Variants in BCL9L observed in about 807,000 individuals in gnomAD.
BCL9L encodes BCL9 like.
A neutral mutation model predicts 99.4 loss-of-function variants in BCL9L; 19 were observed. The ratio of observed to expected loss-of-function variants is 0.19; its 90% CI spans 0.13 to 0.28. The LOEUF (loss-of-function observed/expected upper bound fraction) is 0.28. Ranked by LOEUF, BCL9L falls within the 10% of genes least tolerant of loss-of-function variation. The pLI is 1.00. For missense variants in BCL9L, 2,023 were observed against 2,101.6 expected (o/e 0.96, Z 0.73); for synonymous variants, 900 against 854.8 (o/e 1.05, Z -0.92).
chr11:118,897,670 G>T lies in BCL9L; in HGVS notation c.*745C>A, dbSNP rs1939969847. On this transcript the variant is annotated 3_prime_UTR_variant, in exon 10 of 10. Coordinates refer to ENST00000683865, the MANE Select transcript of BCL9L (RefSeq NM_001378213.1). ...GGGACCCAGAGACACTGCAAACAGT[G>T]GGTGGCCATGTAGGGCTGCATGTCC... The T allele has an allele frequency of 2.4e-6, 1 of 408,482 alleles. No homozygotes were observed. Among genetic ancestry groups the T allele is most frequent in the Admixed American group, 3.1e-5 (1 of 32,694 alleles). The allele number at this position is 408,482 out of a possible 1,614,324, so 25.3% of individuals were successfully genotyped here. A position where few individuals can be genotyped will look rare whatever the true frequency, so the allele number is the denominator to read the frequency against.
chr11:118,900,248 A>G lies in BCL9L; in HGVS notation c.3125-50T>C. On this transcript the variant is annotated intron_variant, in intron 8 of 9. Transcript: ENST00000683865. The surrounding 1 kb of genome is among the most constrained non-coding windows in gnomAD (Gnocchi z 5.3). ...AGCAGGGGTGACTGGGGAGGGGCAG[A>G]TGAGTTTGGCTGTGGATATGGGGAG... 1 of 1,515,082 alleles carries G rather than the reference A, an allele frequency of 6.6e-7. No individual in the cohort carries two copies. Among genetic ancestry groups the G allele is most frequent in the Admixed American group, 2.1e-5 (1 of 48,456 alleles). 93.9% of individuals were successfully genotyped at this position (1,515,082 alleles called of 1,614,324 possible).
At chr11:118,906,485 ACT>A (rs1367930994) in intron 5 of BCL9L, among the ~76,000 whole-genome samples, 3 of 151,492 alleles carry the variant, frequency 2.0e-5, no homozygotes, top group African/African-American at 7.3e-5. Flanking sequence ...ACATTTGCTG[ACT>A]CTCTCTCCTC....
In BCL9L at chr11:118,918,359, A is replaced by C. The variant is rs1941035313; in HGVS notation, c.-77+467T>G. On this transcript the variant is annotated intron_variant, in intron 2 of 9. Coordinates refer to ENST00000683865, the MANE Select transcript of BCL9L (RefSeq NM_001378213.1). ...GACCAGGGGCCAGGGCAGAAACCAC[A>C]CTACTGTGGCTGGTAGCCACCCTGG... Among the ~76,000 whole-genome samples the C allele has an allele frequency of 3.3e-5, 5 of 152,090 alleles. No homozygotes were observed. The South Asian group carries it at 1.0e-3, about 32-fold the overall frequency.
At chr11:118,924,490 G>C (rs1423127288) in intron 1 of BCL9L, among the ~76,000 whole-genome samples, 1 of 151,988 alleles carries the variant, frequency 6.6e-6, no homozygotes, top group Non-Finnish European at 1.5e-5. Context: ...GACTTCAAGG[G>C]ACACTATCCT....
In BCL9L at chr11:118,920,629, T is replaced by C. The variant is rs554967295; in HGVS notation, c.-130-1750A>G. Among the ~76,000 whole-genome samples the C allele has an allele frequency of 2.7e-4, 41 of 152,270 alleles. No individual in the cohort carries two copies. The South Asian group carries it at 8.1e-3, about 30-fold the overall frequency. On this transcript the variant is annotated intron_variant, in intron 1 of 9. Coordinates refer to ENST00000683865, the MANE Select transcript of BCL9L (RefSeq NM_001378213.1). ...GGCTTAGCTCCCTTTCCCCACCCCTTTTCCTTTAGAACACCGAGCCTCTCT... is the reference window on the plus strand; with the variant it reads ...GGCTTAGCTCCCTTTCCCCACCCCTCTTCCTTTAGAACACCGAGCCTCTCT...
In BCL9L at chr11:118,901,369, G is replaced by T; in HGVS notation, c.2374C>A (p.Gln792Lys). 1 of 1,613,886 alleles carries T rather than the reference G, an allele frequency of 6.2e-7. No homozygotes were observed. The highest frequency in any genetic ancestry group is 1.1e-5 in the South Asian group (1 of 91,092). The change falls in exon 8 of 10, where the codon CAG becomes AAG. Residue 792 changes from glutamine to lysine, a missense_variant. Transcript: ENST00000683865. The surrounding 1 kb of genome is among the most constrained non-coding windows in gnomAD (Gnocchi z 6.6). ...MNLNVQMTPQ[Q>K]QMLMSQKMRG... ...ATCTTCTGCGACATCAGCATCTGCT[G>T]CTGCGGGGTCATCTGCACGTTCAGG... is the stretch of plus-strand genomic sequence containing the variant.
In BCL9L at chr11:118,925,685, G is replaced by A; in HGVS notation, c.-578C>T. 1 of 151,454 alleles carries A rather than the reference G, an allele frequency of 6.6e-6. No homozygotes were observed. Among genetic ancestry groups the A allele is most frequent in the South Asian group, 2.1e-4 (1 of 4,826 alleles). 9.4% of individuals were successfully genotyped at this position (151,454 alleles called of 1,614,324 possible). On this transcript the variant is annotated 5_prime_UTR_variant, in exon 1 of 10. Coordinates refer to ENST00000683865, the MANE Select transcript of BCL9L (RefSeq NM_001378213.1). The surrounding 1 kb of genome is among the most constrained non-coding windows in gnomAD (Gnocchi z 6.4). ...GCGCTGGGTGGGGAGGGGCTGTCTG[G>A]GCGCTTATTGTTGGTCGGACTCCGA...
rs76137665 is a variant in BCL9L, at chr11:118,921,149, C to T, written c.-130-2270G>A. Among the ~76,000 whole-genome samples, 1,015 of 152,258 alleles carry T rather than the reference C, an allele frequency of 6.7e-3. 10 individuals carry two copies. The highest frequency in any genetic ancestry group is 0.023 in the African/African-American group (936 of 41,522). On this transcript the variant is annotated intron_variant, in intron 1 of 9. Coordinates refer to ENST00000683865, the MANE Select transcript of BCL9L (RefSeq NM_001378213.1). The surrounding 1 kb of genome is among the most constrained non-coding windows in gnomAD (Gnocchi z 5.4). ...GCCCCTTCAGACCCACAGAGGCTCC[C>T]GTATTCATAGAGACAGCCTAGGGGA...
In BCL9L at chr11:118,899,079, T is replaced by C; in HGVS notation, c.3836A>G (p.His1279Arg). The change falls in exon 10 of 10, where the codon CAC becomes CGC. Residue 1279 changes from histidine to arginine, a missense_variant. His to Arg is a conservative substitution (Grantham distance 29). Coordinates refer to ENST00000683865, the MANE Select transcript of BCL9L (RefSeq NM_001378213.1). ...CCCAGCCATGGCTTTGCCCATCAGG[T>C]GCTGCTGGGGAGGCATGGGGCCTGG... ...QPPGPMPPQQ[H>R]LMGKAMAGRM... The C allele has an allele frequency of 6.2e-7, 1 of 1,605,882 alleles. No individual in the cohort carries two copies. The highest frequency in any genetic ancestry group is 1.1e-5 in the South Asian group (1 of 90,360).
chr11:118,899,342 T>G lies in BCL9L; in HGVS notation c.3573A>C (p.Ala1191=). The G allele has an allele frequency of 6.5e-7, 1 of 1,547,872 alleles. No homozygotes were observed. Among genetic ancestry groups the G allele is most frequent in the South Asian group, 1.2e-5 (1 of 85,600 alleles). The change falls in exon 10 of 10, where the codon GCA becomes GCC. Residue 1191 remains alanine (A), a synonymous_variant. Transcript: ENST00000683865. Reference sequence around the variant, plus strand: ...TTTGAGGGGGCCCCCCTGTCCCCTGTGCGTTGGGATGCAGTGGAATGTTGG... The same window carrying G: ...TTTGAGGGGGCCCCCCTGTCCCCTGGGCGTTGGGATGCAGTGGAATGTTGG... ...LGSNIPLHPN[A]QGTGGPPQNS...
Position 118,902,375 on chromosome 11 carries a change from C to T in BCL9L, c.1368G>A (p.Thr456=), listed in dbSNP as rs201721644. Residue 456 remains threonine, a synonymous_variant, in exon 8 of 10, where the codon ACG becomes ACA. Transcript: ENST00000683865. This position sits in a 1 kb window ranked among gnomAD's most constrained non-coding sequence, Gnocchi z 7.8. ...QAPPPPQQPP[T]APPSGLKKYE... Reference sequence around the variant, plus strand: ...ATTTCTTCAGCCCGCTGGGAGGGGCCGTGGGTGGCTGCTGGGGGGGAGGGG... The same window carrying T: ...ATTTCTTCAGCCCGCTGGGAGGGGCTGTGGGTGGCTGCTGGGGGGGAGGGG... The T allele has an allele frequency of 2.0e-4, 198 of 1,001,436 alleles. No individual in the cohort carries two copies. Among genetic ancestry groups the T allele is most frequent in the Non-Finnish European group, 2.4e-4 (178 of 742,238 alleles). The allele number at this position is 1,001,436 out of a possible 1,614,324, so 62.0% of individuals were successfully genotyped here.
chr11:118,898,441 C>G lies in BCL9L; in HGVS notation c.4474G>C (p.Gly1492Arg). The G allele has an allele frequency of 6.2e-7, 1 of 1,605,896 alleles. No individual in the cohort carries two copies. The highest frequency in any genetic ancestry group is 8.5e-7 in the Non-Finnish European group (1 of 1,174,278). Residue 1492 changes from glycine to arginine, a missense_variant, in exon 10 of 10, where the codon GGC (glycine) becomes CGC (arginine). By Grantham distance (125) the Gly-to-Arg change is moderately radical. Transcript: ENST00000683865. ...TAGAAGGGCAGGTTGGCCATGCCGC[C>G]TGGTGCCGGGAGGTAGCCCATCTGG... is the stretch of plus-strand genomic sequence containing the variant. ...DSQMGYLPAP[G>R]GMANLPF is the part of the protein sequence containing the mutation.
rs1940356035 is a variant in BCL9L at position 118,903,130 on chromosome 11, C to G, written c.750-56G>C. 1 of 1,545,682 alleles carries G rather than the reference C, an allele frequency of 6.5e-7. No individual in the cohort carries two copies. Among genetic ancestry groups the G allele is most frequent in the Non-Finnish European group, 8.7e-7 (1 of 1,147,334 alleles). On this transcript the variant is annotated intron_variant, in intron 6 of 9. Coordinates refer to ENST00000683865, the MANE Select transcript of BCL9L (RefSeq NM_001378213.1). This position sits in a 1 kb window ranked among gnomAD's most constrained non-coding sequence, Gnocchi z 5.6. Reference sequence around the variant, plus strand: ...AGAGGTGAGCAGGAGGGAGCCCCACCCTCACCCACCCCACCCTGCCCCTGC... The same window carrying G: ...AGAGGTGAGCAGGAGGGAGCCCCACGCTCACCCACCCCACCCTGCCCCTGC...
intron 5 of BCL9L, among the ~76,000 whole-genome samples, chr11:118,904,410 A>T (rs1940420351): frequency 6.6e-6 from 1 of 152,244 alleles, no homozygotes; most frequent in Non-Finnish European, 1.5e-5. Flanking sequence ...ATTGCACTCT[A>T]GCCAGGGCGA....
In BCL9L at chr11:118,922,470, C is replaced by A. The variant is rs925918981; in HGVS notation, c.-131+2768G>T. Reference sequence around the variant, plus strand: ...CTCAGTTCCCTGAGGGCAGCCCCCACGGTGTGTTTGTGGGTGGGCAGCTGT... The same window carrying A: ...CTCAGTTCCCTGAGGGCAGCCCCCAAGGTGTGTTTGTGGGTGGGCAGCTGT... On this transcript the variant is annotated intron_variant, in intron 1 of 9. Transcript: ENST00000683865. This position sits in a 1 kb window ranked among gnomAD's most constrained non-coding sequence, Gnocchi z 6.2. Among the ~76,000 whole-genome samples the A allele has an allele frequency of 6.6e-6, 1 of 152,196 alleles. No individual in the cohort carries two copies. Among genetic ancestry groups the A allele is most frequent in the Admixed American group, 6.5e-5 (1 of 15,290 alleles).
intron 1 of BCL9L, 135 bp from the exon 2 acceptor site, chr11:118,919,014 A>C (rs1477946100): frequency 6.6e-6 from 1 of 150,470 alleles, no homozygotes; most frequent in African/African-American, 2.5e-5. Flanking sequence ...AGCTCCAGGA[A>C]GTCTCTGAGC....
intron 5 of BCL9L, among the ~76,000 whole-genome samples, chr11:118,904,419 G>A (rs1411206152): frequency 1.3e-5 from 2 of 152,114 alleles, no homozygotes; most frequent in African/African-American, 2.4e-5. Flanking sequence ...TAGCCAGGGC[G>A]ACAGAGCGAG....
At chr11:118,909,846 TCACCACTGGGCCC>T in intron 3 of BCL9L, 55 bp downstream of exon 3, 10 of 1,611,786 alleles carry the variant, frequency 6.2e-6, no homozygotes, top group Non-Finnish European at 8.5e-6. Context: ...TTGGGCCCCA[TCACCACTGGGCCC>T]TTCCCTTCCC....
Position 118,914,520 on chromosome 11 carries a change from T to C in BCL9L, c.-77+4306A>G, listed in dbSNP as rs796274381. On this transcript the variant is annotated intron_variant, in intron 2 of 9. Coordinates refer to ENST00000683865, the MANE Select transcript of BCL9L (RefSeq NM_001378213.1). The surrounding 1 kb of genome is among the most constrained non-coding windows in gnomAD (Gnocchi z 4.4). ...GGGGGCCCCACGAGCTCTGCCCACATTGACATCCAGACTGTCATGACCCTC... is the reference window on the plus strand; with the variant it reads ...GGGGGCCCCACGAGCTCTGCCCACACTGACATCCAGACTGTCATGACCCTC... Among the ~76,000 whole-genome samples the C allele has an allele frequency of 5.6e-4, 86 of 152,290 alleles. No individual in the cohort carries two copies. Among genetic ancestry groups the C allele is most frequent in the African/African-American group, 2.0e-3 (82 of 41,570 alleles).
Sources: gnomAD v4.1 joint callset for allele counts (sites outside exome capture counted in the v4.1 genomes callset) on GRCh38, gnomAD v4.1.1 for gene constraint, Gnocchi (gnomAD v3.1) non-coding constraint, MANE v1.5 for transcripts, NCBI Gene and HGNC (gene_info 2026-07-23, HGNC 2026-07-21) for gene names.